Variants in KATNIP observed in about 807,000 individuals in gnomAD.
KATNIP encodes katanin-interacting protein.
Under a neutral mutation model 174.0 loss-of-function variants are expected in KATNIP, and 126 were observed. The observed-to-expected ratio is 0.72, with a 90% CI of 0.63 to 0.84. The LOEUF is 0.84. Among genes scored for constraint, KATNIP ranks in the 40% least tolerant of loss-of-function variants. The probability of loss-of-function intolerance (pLI) is 0.00; values close to 1 mark genes in which losing one functional copy is unlikely to be tolerated. For missense variants in KATNIP, 1,958 were observed against 2,109.7 expected, an observed-to-expected ratio of 0.93 and a Z score of 1.41; for synonymous variants, 810 against 835.7, an observed-to-expected ratio of 0.97 and a Z score of 0.53.
rs1209987241 is a variant in KATNIP, at chr16:27,701,682, C to T, written c.1273C>T (p.Leu425Phe). ...AINQAMDRIG[L>F]LGSRQQQKLL... Reference sequence around the variant, plus strand: ...CAACCAGGCCATGGACAGAATTGGGCTTCTGGGAAGCAGGTACTACTAAGG... The same window carrying T: ...CAACCAGGCCATGGACAGAATTGGGTTTCTGGGAAGCAGGTACTACTAAGG... Residue 425 changes from leucine (L) to phenylalanine (F), a missense_variant, in exon 11 of 28, where the codon CTT (leucine) becomes TTT (phenylalanine). Physicochemically the swap from Leu to Phe is conservative, Grantham distance 22. Coordinates refer to ENST00000261588, the MANE Select transcript of KATNIP (RefSeq NM_015202.5). 1.2e-6 allele frequency: 2 copies of T among 1,601,676 alleles called. No individual in the cohort carries two copies. The highest frequency in any genetic ancestry group is 1.1e-5 in the South Asian group (1 of 88,116).
Position 27,739,972 on chromosome 16 carries a change from C to T in KATNIP, c.1744-69C>T, listed in dbSNP as rs752654424. ...TTTTCTTTTCTTTTTTTGGTATCTT[C>T]GACTTCCAAAATTTCATACATCAGT... is the stretch of plus-strand genomic sequence containing the variant. On this transcript the variant is annotated intron_variant, in intron 14 of 27. Coordinates refer to ENST00000261588, the MANE Select transcript of KATNIP (RefSeq NM_015202.5). The T allele has an allele frequency of 1.2e-4, 184 of 1,491,504 alleles. 1 individual carries two copies. The highest frequency in any genetic ancestry group is 1.3e-4 in the Non-Finnish European group (144 of 1,106,168). The allele number at this position is 1,491,504 out of a possible 1,614,324, so 92.4% of individuals were successfully genotyped here. A position where few individuals can be genotyped will look rare whatever the true frequency, so the allele number is the denominator to read the frequency against.
intron 2 of KATNIP, among the ~76,000 whole-genome samples, chr16:27,608,399 CTTTTTTTTT>C (rs11374534): frequency 1.0e-5 from 1 of 97,558 alleles, no homozygotes; most frequent in Non-Finnish European, 1.9e-5. Flanking sequence ...ACTGGTGAAT[CTTTTTTTTT>C]TTTTTTTTTT....
intron 11 of KATNIP, among the ~76,000 whole-genome samples, chr16:27,703,287 T>G (rs2079172269): frequency 6.6e-6 from 1 of 152,208 alleles, no homozygotes; most frequent in Admixed American, 6.5e-5. Context: ...TCGAGATCCT[T>G]TGTGCTTCAG....
In KATNIP at chr16:27,751,784, T is replaced by C. The variant is rs939373667; in HGVS notation, c.3412T>C (p.Tyr1138His). 1.9e-6 allele frequency: 3 copies of C among 1,614,250 alleles called. No homozygotes were observed. The highest frequency in any genetic ancestry group is 2.5e-6 in the Non-Finnish European group (3 of 1,180,044). ...TDDDILEAIF[Y>H]SDEMFDLDVG... is the part of the protein sequence containing the mutation. The stretch of plus-strand genomic sequence containing the variant: ...TGATGACATTCTCGAGGCCATATTC[T>C]ATTCTGATGAGATGTTTGACCTGGA... The change falls in exon 17 of 28, where the codon TAT (tyrosine) becomes CAT (histidine). Residue 1138 changes from tyrosine (Y) to histidine (H), a missense_variant. Around this residue, in one of 3 missense-constraint regions of KATNIP, gnomAD observed 1,557 missense variants for 1,617.8 expected, o/e 0.96. Transcript: ENST00000261588.
At chr16:27,586,804 G>T (rs1431628449) in intron 2 of KATNIP, among the ~76,000 whole-genome samples, 2 of 150,654 alleles carry the variant, frequency 1.3e-5, no homozygotes, top group Non-Finnish European at 3.0e-5. Context: ...ACTCCAGCCT[G>T]GGTGACAAAG....
intron 2 of KATNIP, among the ~76,000 whole-genome samples, chr16:27,598,130 A>G (rs1243958276): frequency 6.6e-6 from 1 of 151,798 alleles, no homozygotes; most frequent in Non-Finnish European, 1.5e-5. Flanking sequence ...TTAGGAGGCT[A>G]CTTAGGAGGC....
At chr16:27,733,837 G>C (rs182205110) in intron 14 of KATNIP, among the ~76,000 whole-genome samples, 1 of 152,170 alleles carries the variant, frequency 6.6e-6, no homozygotes, top group Non-Finnish European at 1.5e-5. Context: ...GGGGCGCAGA[G>C]GAATCCAGAC....
rs762121323 is a variant in KATNIP, at chr16:27,681,548, C to T, written c.940+18C>T. 19 of 1,613,890 alleles carry T rather than the reference C, an allele frequency of 1.2e-5. No individual in the cohort carries two copies. Among genetic ancestry groups the T allele is most frequent in the African/African-American group, 4.0e-5 (3 of 74,926 alleles). On this transcript the variant is annotated intron_variant, in intron 8 of 27. Coordinates refer to ENST00000261588, the MANE Select transcript of KATNIP (RefSeq NM_015202.5). The stretch of plus-strand genomic sequence containing the variant: ...GTGCTCCAGTAAGAGTTCCGGGGGC[C>T]CCTGAGCAGGGGAGCAGGGCTGCGA...
intron 6 of KATNIP, among the ~76,000 whole-genome samples, chr16:27,656,220 G>C (rs1372898014): frequency 6.6e-6 from 1 of 151,948 alleles, no homozygotes; most frequent in Non-Finnish European, 1.5e-5. Flanking sequence ...GAAGCCAGGA[G>C]TTCCAGACCA....
intron 2 of KATNIP, among the ~76,000 whole-genome samples, chr16:27,591,202 T>C (rs2075149938): frequency 6.6e-6 from 1 of 152,080 alleles, no homozygotes; most frequent in African/African-American, 2.4e-5. Context: ...TTTTTTTTTT[T>C]TGAGACGGAG....
At chr16:27,673,718 G>T (rs534664365) in intron 6 of KATNIP, among the ~76,000 whole-genome samples, 3 of 152,130 alleles carry the variant, frequency 2.0e-5, no homozygotes, top group Non-Finnish European at 4.4e-5. Flanking sequence ...GGAGTTGGGT[G>T]GGGGGACAAA....
chr16:27,613,791 G>A (rs1330617557), intron 2 of KATNIP, among the ~76,000 whole-genome samples: 2 of 152,172 alleles, frequency 1.3e-5, no homozygotes, highest in Non-Finnish European at 2.9e-5. Context: ...CAGCTCTCCC[G>A]AGGGCTGAGG....
At chr16:27,555,547 G>T (rs1279539968) in intron 1 of KATNIP, among the ~76,000 whole-genome samples, 3 of 152,156 alleles carry the variant, frequency 2.0e-5, no homozygotes, top group Non-Finnish European at 4.4e-5. Flanking sequence ...ATAAAAAAAT[G>T]TTCCTGGCTG....
At chr16:27,620,273 G>A (rs1349034805) in intron 3 of KATNIP, among the ~76,000 whole-genome samples, 1 of 152,236 alleles carries the variant, frequency 6.6e-6, no homozygotes, top group African/African-American at 2.4e-5. Flanking sequence ...ACACCTTCCA[G>A]TGGAGACTTG....
chr16:27,705,111 A>G (rs923083826), intron 12 of KATNIP, among the ~76,000 whole-genome samples: 26 of 151,912 alleles, frequency 1.7e-4, no homozygotes, highest in African/African-American at 6.0e-4. Context: ...GGTTTTTGCC[A>G]TGTTGGCCAG....
intron 6 of KATNIP, among the ~76,000 whole-genome samples, chr16:27,659,580 G>A (rs572792923): frequency 5.3e-5 from 8 of 151,972 alleles, no homozygotes; most frequent in East Asian, 1.9e-4. Context: ...TATTAAGACA[G>A]TACTATGTTA....
chr16:27,774,986 G>A lies in KATNIP; in HGVS notation c.4351G>A (p.Val1451Met). 1 of 1,613,918 alleles carries A rather than the reference G, an allele frequency of 6.2e-7. No homozygotes were observed. ...CGACAGCGTGAACTCCCTGGAGGGT[G>A]TGGGCGGGGACGTCCGCACCCCAGA... Reference protein sequence around the residue: ...FPDSVNSLEGVGGDVRTPDKL... With the variant: ...FPDSVNSLEGMGGDVRTPDKL... Residue 1451 changes from valine (V) to methionine (M), a missense_variant, in exon 24 of 28, where the codon GTG becomes ATG. Val to Met is a conservative substitution (Grantham distance 21, BLOSUM62 1). Coordinates refer to ENST00000261588, the MANE Select transcript of KATNIP (RefSeq NM_015202.5).
chr16:27,678,025 T>A, intron 7 of KATNIP, 29 bp downstream of exon 7: 1 of 1,603,720 alleles, frequency 6.2e-7, no homozygotes, highest in Non-Finnish European at 8.5e-7. Context: ...ATCATTTCTT[T>A]GCCATTGGTG....
intron 2 of KATNIP, among the ~76,000 whole-genome samples, chr16:27,597,256 C>T (rs1188720167): frequency 6.6e-6 from 1 of 151,932 alleles, no homozygotes; most frequent in Non-Finnish European, 1.5e-5. Context: ...TTTGCTAATC[C>T]CACCCCTCCC....
Sources: gnomAD v4.1 joint callset for allele counts (sites outside exome capture counted in the v4.1 genomes callset) on GRCh38, gnomAD v4.1.1 for gene constraint, gnomAD v4.1.1 regional missense constraint, MANE v1.5 for transcripts, NCBI Gene and HGNC (gene_info 2026-07-23, HGNC 2026-07-21) for gene names.